The following PSTPIP2 variants were observed in gnomAD, a reference collection of about 807,000 sequenced individuals.
PSTPIP2 encodes proline-serine-threonine phosphatase-interacting protein 2.
Under a neutral mutation model 63.3 loss-of-function variants are expected in PSTPIP2, and 33 were observed. That is an observed-to-expected ratio of 0.52 (90% CI 0.40 to 0.70). The LOEUF is 0.70. Ranked by LOEUF, PSTPIP2 falls within the 30% of genes least tolerant of loss-of-function variation. The pLI, the probability that PSTPIP2 is intolerant of heterozygous loss-of-function variation, is 0.00. For missense variants in PSTPIP2, 312 were observed against 400.7 expected (o/e 0.78, Z 1.89); for synonymous variants, 125 against 132.7 (o/e 0.94, Z 0.40).
At chr18:46,062,355 G>A (rs1248198684) in intron 1 of PSTPIP2, among the ~76,000 whole-genome samples, 2 of 151,986 alleles carry the variant, frequency 1.3e-5, no homozygotes, top group Non-Finnish European at 2.9e-5. Context: ...ATCTTGCCCT[G>A]GTATGCTAGG....
chr18:45,998,983 A>T, intron 7 of PSTPIP2, 144 bp from the exon 8 acceptor site: 1 of 797,396 alleles, frequency 1.3e-6, no homozygotes, highest in Non-Finnish European at 2.0e-6. Context: ...CTCATGAGCA[A>T]ATCATTCAAC....
chr18:45,996,274 A>T (rs931896821), intron 9 of PSTPIP2, among the ~76,000 whole-genome samples: 10 of 152,220 alleles, frequency 6.6e-5, no homozygotes, highest in African/African-American at 2.2e-4. Flanking sequence ...TGCTAACAGG[A>T]AAAAAGGAGT....
At position 45,990,503 on chromosome 18, in the gene PSTPIP2, C is replaced by T. The variant is rs528808395; in HGVS notation, c.955+219G>A. Among the ~76,000 whole-genome samples, 28 of 152,172 alleles carry T rather than the reference C, an allele frequency of 1.8e-4. No individual in the cohort carries two copies. In the South Asian group the frequency reaches 1.9e-3, roughly 10 times the overall value. On this transcript the variant is annotated intron_variant, in intron 13 of 14. Coordinates refer to ENST00000409746, the MANE Select transcript of PSTPIP2 (RefSeq NM_024430.4). ...GGAGTGCAGTGGTGCAATCTTGGCT[C>T]ACTGCATCCTCCACCTCCCAGGTTC...
intron 1 of PSTPIP2, among the ~76,000 whole-genome samples, chr18:46,069,537 C>T (rs549359741): frequency 1.3e-5 from 2 of 152,290 alleles, no homozygotes; most frequent in African/African-American, 4.8e-5. Flanking sequence ...GTTGCCCAGC[C>T]TCCTTAGTAG....
chr18:46,049,520 G>GA (rs1568229233), intron 1 of PSTPIP2, among the ~76,000 whole-genome samples: 1 of 151,808 alleles, frequency 6.6e-6, no homozygotes, highest in African/African-American at 2.4e-5. Context: ...AAATAAGGAG[G>GA]AAAAAAGAGC....
At chr18:46,005,640 T>G in intron 5 of PSTPIP2, 109 bp from the exon 6 acceptor site, 1 of 798,352 alleles carries the variant, frequency 1.3e-6, no homozygotes, top group Non-Finnish European at 1.9e-6. Flanking sequence ...TCAAAATGAT[T>G]ACCCACATTT....
rs2276199 is a variant in PSTPIP2, at chr18:45,988,751, T to C, written c.964A>G (p.Asn322Asp). Residue 322 changes from asparagine (N) to aspartate (D), a missense_variant, in exon 14 of 15, where the codon AAT becomes GAT. Asn to Asp is a conservative substitution (Grantham distance 23). Transcript: ENST00000409746. ...PIPKSSPDDPNYSLVDDYSLL... is the reference protein window; with the variant it reads ...PIPKSSPDDPDYSLVDDYSLL... Reference sequence around the variant, plus strand: ...CTGTAGTCATCAACCAAAGAGTAATTGGGATCATCTGCAAAAGGCAGAACA... The same window carrying C: ...CTGTAGTCATCAACCAAAGAGTAATCGGGATCATCTGCAAAAGGCAGAACA... 245,573 of 1,559,870 alleles carry C rather than the reference T, an allele frequency of 0.16. 27,472 individuals are homozygous for C. The highest frequency in any genetic ancestry group is 0.51 in the African/African-American group (37,606 of 73,328).
At chr18:46,038,689 G>A (rs1174327039) in intron 2 of PSTPIP2, among the ~76,000 whole-genome samples, 1 of 152,198 alleles carries the variant, frequency 6.6e-6, no homozygotes, top group Non-Finnish European at 1.5e-5. Flanking sequence ...CCTTAAAGGA[G>A]GAGGAGCAGC....
rs111476560 is a variant in PSTPIP2, at chr18:46,018,822, C to G, written c.213-2885G>C. On this transcript the variant is annotated intron_variant, in intron 3 of 14. Coordinates refer to ENST00000409746, the MANE Select transcript of PSTPIP2 (RefSeq NM_024430.4). ...CCTTTGATTCGTCTTTGGCCTGGAA[C>G]GATTTTCCTTACTTTCTTGACAGCA... is the stretch of plus-strand genomic sequence containing the variant. Among the ~76,000 whole-genome samples, 800 of 152,224 alleles carry G rather than the reference C, an allele frequency of 5.3e-3. 9 individuals are homozygous for G. Among genetic ancestry groups the G allele is most frequent in the African/African-American group, 0.012 (482 of 41,542 alleles).
At chr18:46,004,738 A>G (rs899084078) in intron 6 of PSTPIP2, among the ~76,000 whole-genome samples, 2 of 152,216 alleles carry the variant, frequency 1.3e-5, no homozygotes, top group Non-Finnish European at 2.9e-5. Flanking sequence ...TTAAAAAAAG[A>G]AAAACCTTAT....
chr18:45,986,270 C>A (rs144757390), intron 14 of PSTPIP2, among the ~76,000 whole-genome samples: 3 of 152,050 alleles, frequency 2.0e-5, no homozygotes, highest in African/African-American at 7.2e-5. Context: ...ATATGTTGAA[C>A]CCCAACTCAT....
At chr18:46,000,620 G>T (rs992903106) in intron 6 of PSTPIP2, among the ~76,000 whole-genome samples, 1 of 152,110 alleles carries the variant, frequency 6.6e-6, no homozygotes, top group Admixed American at 6.5e-5. Flanking sequence ...CACCCGCCTC[G>T]GCCTCCCAAA....
chr18:46,013,896 C>T (rs1318001162), intron 4 of PSTPIP2, among the ~76,000 whole-genome samples: 1 of 152,118 alleles, frequency 6.6e-6, no homozygotes, highest in South Asian at 2.1e-4. Context: ...TCTAAATTAG[C>T]CTTTACCATT....
chr18:46,039,386 G>A (rs1351648176), intron 2 of PSTPIP2, among the ~76,000 whole-genome samples: 1 of 151,912 alleles, frequency 6.6e-6, no homozygotes, highest in African/African-American at 2.4e-5. Flanking sequence ...TCATCCTCCT[G>A]GTCTCTGAGC....
chr18:46,066,264 C>A (rs1196004942), intron 1 of PSTPIP2, among the ~76,000 whole-genome samples: 3 of 152,224 alleles, frequency 2.0e-5, no homozygotes, highest in Non-Finnish European at 4.4e-5. Context: ...GAGTTTGAGG[C>A]TGCAGTGAGC....
chr18:46,035,436 A>AG (rs1555690586), intron 2 of PSTPIP2, among the ~76,000 whole-genome samples: 5 of 140,864 alleles, frequency 3.5e-5, no homozygotes, highest in Admixed American at 6.8e-5. Context: ...AAAAAAAGAA[A>AG]AGAGAGAGAG....
At chr18:46,012,094 C>T (rs1599713339) in intron 4 of PSTPIP2, among the ~76,000 whole-genome samples, 1 of 151,998 alleles carries the variant, frequency 6.6e-6, no homozygotes, top group East Asian at 1.9e-4. Flanking sequence ...AGTTAAAGAA[C>T]ATGAAATTCA....
chr18:45,992,596 T>C (rs2051549358), intron 10 of PSTPIP2, among the ~76,000 whole-genome samples: 1 of 151,478 alleles, frequency 6.6e-6, no homozygotes, highest in Non-Finnish European at 1.5e-5. Context: ...AAAACATGGG[T>C]TTGATAGAGA....
chr18:46,038,479 T>A (rs911622176), intron 2 of PSTPIP2, among the ~76,000 whole-genome samples: 1 of 152,174 alleles, frequency 6.6e-6, no homozygotes, highest in Admixed American at 6.5e-5. Flanking sequence ...AGGAAATTTA[T>A]AGAAGCCATA....
Sources: allele counts gnomAD v4.1 joint callset (sites outside exome capture counted in the v4.1 genomes callset), GRCh38; gene constraint gnomAD v4.1.1; transcripts MANE v1.5; gene names NCBI Gene and HGNC (gene_info 2026-07-23, HGNC 2026-07-21).